LUZP2: variants seen among roughly 807,000 people sequenced by gnomAD.
The protein encoded by LUZP2 is leucine zipper protein 2.
LUZP2 carries 52 observed loss-of-function variants against 51.6 expected under a neutral mutation model. The observed-to-expected ratio is 1.01, with a 90% CI of 0.81 to 1.27. The LOEUF is 1.27. Ranked by LOEUF, LUZP2 falls within the 50% of genes most tolerant of loss-of-function variation. The pLI, the probability that LUZP2 is intolerant of heterozygous loss-of-function variation, is 0.00. For synonymous variants in LUZP2, 154 were observed against 137.3 expected (o/e 1.12, Z -0.85); for missense variants, 436 against 395.4 (o/e 1.10, Z -0.87).
intron 9 of LUZP2, among the ~76,000 whole-genome samples, chr11:25,024,272 A>G (rs1019253500): frequency 6.6e-6 from 1 of 152,116 alleles, no homozygotes; most frequent in Non-Finnish European, 1.5e-5. Context: ...CTCCTATTCA[A>G]CGTAGTGTTG....
intron 9 of LUZP2, among the ~76,000 whole-genome samples, chr11:25,044,803 C>G (rs1858240481): frequency 6.6e-6 from 1 of 151,862 alleles, no homozygotes; most frequent in Admixed American, 6.6e-5. Context: ...AGACTTGGAA[C>G]CAACCTAAAT....
At chr11:24,852,248 T>C (rs1023021767) in intron 5 of LUZP2, among the ~76,000 whole-genome samples, 29 of 152,232 alleles carry the variant, frequency 1.9e-4, no homozygotes, top group African/African-American at 5.1e-4. Flanking sequence ...CATTTAGTGA[T>C]ATAAATTTCC....
At chr11:24,887,862 AG>A (rs994248496) in intron 5 of LUZP2, among the ~76,000 whole-genome samples, 23 of 152,170 alleles carry the variant, frequency 1.5e-4, no homozygotes, top group Admixed American at 3.9e-4. Flanking sequence ...AGTCAGTTTT[AG>A]GAAGTTCCAA....
At chr11:24,669,448 T>C (rs892141301) in intron 1 of LUZP2, among the ~76,000 whole-genome samples, 2 of 152,172 alleles carry the variant, frequency 1.3e-5, no homozygotes, top group Non-Finnish European at 2.9e-5. Flanking sequence ...TTAAATTAGT[T>C]GTGCATTTTT....
At chr11:24,664,667 G>A (rs546344337) in intron 1 of LUZP2, among the ~76,000 whole-genome samples, 38 of 152,262 alleles carry the variant, frequency 2.5e-4, no homozygotes, top group African/African-American at 8.4e-4. Context: ...TTCCAGCCAT[G>A]CAAACAGGGG....
At chr11:24,719,935 C>T (rs1246654540) in intron 1 of LUZP2, among the ~76,000 whole-genome samples, 1 of 152,142 alleles carries the variant, frequency 6.6e-6, no homozygotes, top group East Asian at 1.9e-4. Flanking sequence ...GAGTCATTGG[C>T]TGATGAACAA....
intron 1 of LUZP2, among the ~76,000 whole-genome samples, chr11:24,620,095 A>G (rs756134899): frequency 6.6e-6 from 1 of 152,196 alleles, no homozygotes; most frequent in Admixed American, 6.5e-5. Context: ...TTTAAGCTTA[A>G]TTAAATAGAT....
intron 1 of LUZP2, among the ~76,000 whole-genome samples, chr11:24,657,447 T>A (rs1325340358): frequency 1.3e-5 from 2 of 152,172 alleles, no homozygotes; most frequent in South Asian, 2.1e-4. Context: ...AAGAGCTATC[T>A]ATGACAAACT....
chr11:24,707,777 G>A (rs778375058), intron 1 of LUZP2, among the ~76,000 whole-genome samples: 8 of 152,198 alleles, frequency 5.3e-5, no homozygotes, highest in East Asian at 1.9e-4. Context: ...TTTCGGTACC[G>A]CAAAAGAAAT....
At chr11:25,067,091 A>G (rs952751518) in intron 10 of LUZP2, among the ~76,000 whole-genome samples, 2 of 151,950 alleles carry the variant, frequency 1.3e-5, no homozygotes, top group African/African-American at 2.4e-5. Context: ...AAGTAATAAA[A>G]TTATATTTTT....
At chr11:25,001,258 G>T (rs1026695826) in intron 9 of LUZP2, among the ~76,000 whole-genome samples, 2 of 152,144 alleles carry the variant, frequency 1.3e-5, no homozygotes, top group African/African-American at 4.8e-5. Flanking sequence ...TTAAGGTTTG[G>T]CTGAGTGCAA....
intron 7 of LUZP2, among the ~76,000 whole-genome samples, chr11:24,966,785 C>A (rs1004569060): frequency 6.9e-6 from 1 of 144,764 alleles, no homozygotes; most frequent in Admixed American, 7.0e-5. Flanking sequence ...ATAATATATT[C>A]ATTATATCAG....
intron 5 of LUZP2, among the ~76,000 whole-genome samples, chr11:24,808,748 A>G (rs1322283634): frequency 6.6e-6 from 1 of 152,168 alleles, no homozygotes; most frequent in Non-Finnish European, 1.5e-5. Flanking sequence ...CCCTTGGTGT[A>G]CTGGAGTCAC....
chr11:25,072,119 G>A (rs1165328670), intron 10 of LUZP2, among the ~76,000 whole-genome samples: 1 of 152,060 alleles, frequency 6.6e-6, no homozygotes, highest in African/African-American at 2.4e-5. Context: ...ATAATTAGTA[G>A]GTGAAAGAAC....
At chr11:24,800,471 G>A (rs1444060393) in intron 5 of LUZP2, among the ~76,000 whole-genome samples, 1 of 150,536 alleles carries the variant, frequency 6.6e-6, no homozygotes, top group African/African-American at 2.4e-5. Context: ...CCCTATATAA[G>A]CATGTTCAGA....
intron 5 of LUZP2, among the ~76,000 whole-genome samples, chr11:24,797,146 G>T (rs1170521127): frequency 6.6e-6 from 1 of 152,120 alleles, no homozygotes; most frequent in Non-Finnish European, 1.5e-5. Context: ...GAATTAATAT[G>T]TATCAAACAC....
chr11:25,046,221 T>C (rs1189897581), intron 9 of LUZP2, among the ~76,000 whole-genome samples: 2 of 25,274 alleles, frequency 7.9e-5, no homozygotes, highest in African/African-American at 1.8e-4. Context: ...AGAAAAGTAA[T>C]CCTCCAAAAA....
intron 7 of LUZP2, among the ~76,000 whole-genome samples, chr11:24,916,172 C>T (rs1275937694): frequency 6.6e-6 from 1 of 151,884 alleles, no homozygotes; most frequent in African/African-American, 2.4e-5. Context: ...AGGCTTTTAG[C>T]TGAAGTACAA....
chr11:24,697,279 A>G (rs1403421420), intron 1 of LUZP2, among the ~76,000 whole-genome samples: 1 of 152,192 alleles, frequency 6.6e-6, no homozygotes, highest in Non-Finnish European at 1.5e-5. Flanking sequence ...GCTTTATCCA[A>G]GGTGAATTAG....
Sources: allele counts gnomAD v4.1 joint callset (sites outside exome capture counted in the v4.1 genomes callset), GRCh38; gene constraint gnomAD v4.1.1; transcripts MANE v1.5; gene names NCBI Gene and HGNC (gene_info 2026-07-23, HGNC 2026-07-21).